Variants in MEF2C observed in about 807,000 individuals in gnomAD.
The protein encoded by MEF2C is myocyte enhancer factor 2C.
MEF2C carries 6 observed loss-of-function variants against 50.5 expected under a neutral mutation model. The ratio of observed to expected loss-of-function variants is 0.12; its 90% CI spans 0.07 to 0.23. The LOEUF is 0.23. Among genes scored for constraint, MEF2C ranks in the 10% least tolerant of loss-of-function variants. MEF2C has a pLI of 1.00. For synonymous variants in MEF2C, 183 were observed against 228.0 expected (o/e 0.80, Z 1.78); for missense variants, 276 against 605.0 (o/e 0.46, Z 5.70).
chr5:88,838,096 C>CA (rs1299548254), intron 1 of MEF2C, among the ~76,000 whole-genome samples: 2 of 152,044 alleles, frequency 1.3e-5, no homozygotes, highest in African/African-American at 4.8e-5. Flanking sequence ...GTCTCACACT[C>CA]AGAGAATCGA....
chr5:88,732,676 T>C (rs959402006), intron 6 of MEF2C: 4 of 152,196 alleles, frequency 2.6e-5, no homozygotes, highest in African/African-American at 7.2e-5. Flanking sequence ...AAAGTGGGTA[T>C]CCCAAGGTCT....
At chr5:88,741,383 A>C in intron 6 of MEF2C, 5 of 985,436 alleles carry the variant, frequency 5.1e-6, no homozygotes, top group Non-Finnish European at 6.0e-6. Flanking sequence ...GAGGAGTTTA[A>C]CAGACTTTTC....
chr5:88,764,224 TAAA>T (rs986443382), intron 3 of MEF2C, among the ~76,000 whole-genome samples: 6 of 152,200 alleles, frequency 3.9e-5, no homozygotes, highest in Admixed American at 2.6e-4. Context: ...GTTTGGTTTA[TAAA>T]AATTCAAACA....
rs561053767 is a variant in MEF2C, at chr5:88,768,827, T to A, written c.259-7499A>T. The stretch of plus-strand genomic sequence containing the variant: ...TATTCCCTCTTAATAACTCCCAAAT[T>A]TACTACTTTTTGAAATGTACAGTTT... On this transcript the variant is annotated intron_variant, in intron 3 of 10. Transcript: ENST00000504921. 3 of 321,932 alleles carry A rather than the reference T, an allele frequency of 9.3e-6. No individual in the cohort carries two copies. In the East Asian group the frequency reaches 5.1e-4, roughly 55 times the overall value. 19.9% of individuals were successfully genotyped at this position (321,932 alleles called of 1,614,324 possible).
intron 2 of MEF2C, among the ~76,000 whole-genome samples, chr5:88,809,445 T>A (rs1454516479): frequency 3.9e-5 from 6 of 152,174 alleles, no homozygotes; most frequent in Non-Finnish European, 1.5e-5. Flanking sequence ...TTGTGCTAGG[T>A]ACTGTGGCTT....
At chr5:88,852,944 C>T (rs554488021) in intron 1 of MEF2C, among the ~76,000 whole-genome samples, 1 of 152,034 alleles carries the variant, frequency 6.6e-6, no homozygotes, top group East Asian at 1.9e-4. Flanking sequence ...GTAGTTCTAG[C>T]CAGACACAGA....
At chr5:88,848,628 T>C (rs1037457733) in intron 1 of MEF2C, among the ~76,000 whole-genome samples, 4 of 152,150 alleles carry the variant, frequency 2.6e-5, no homozygotes, top group African/African-American at 9.7e-5. Context: ...AAGCACATTA[T>C]AAAAATGGGC....
chr5:88,892,425 C>T (rs1481762662), intron 1 of MEF2C: 1 of 152,208 alleles, frequency 6.6e-6, no homozygotes, highest in Non-Finnish European at 1.5e-5. Context: ...GGAAAAGTGA[C>T]AAACTGCGGT....
intron 10 of MEF2C, among the ~76,000 whole-genome samples, chr5:88,727,134 A>G (rs1759202995): frequency 6.6e-6 from 1 of 152,148 alleles, no homozygotes; most frequent in African/African-American, 2.4e-5. Context: ...GTGCTTGGTG[A>G]TAATTACCTG....
At chr5:88,795,880 T>C (rs1795822623) in intron 3 of MEF2C, among the ~76,000 whole-genome samples, 2 of 152,232 alleles carry the variant, frequency 1.3e-5, no homozygotes, top group South Asian at 4.1e-4. Context: ...CGCCCTTTTC[T>C]GCATCTATTG....
At chr5:88,835,234 A>G (rs1192647986) in intron 1 of MEF2C, among the ~76,000 whole-genome samples, 1 of 152,248 alleles carries the variant, frequency 6.6e-6, no homozygotes, top group East Asian at 1.9e-4. Flanking sequence ...AAATTTGAGA[A>G]AAAAACAATC....
intron 1 of MEF2C, among the ~76,000 whole-genome samples, chr5:88,856,515 G>A (rs1823402439): frequency 6.6e-6 from 1 of 152,230 alleles, no homozygotes; most frequent in South Asian, 2.1e-4. Flanking sequence ...TCCAGGGCAT[G>A]TCAGAGACCT....
intron 1 of MEF2C, among the ~76,000 whole-genome samples, chr5:88,872,031 G>C (rs951930683): frequency 2.0e-5 from 3 of 151,904 alleles, no homozygotes; most frequent in African/African-American, 4.8e-5. Context: ...CCTATTATAT[G>C]CAAGAGTTCT....
chr5:88,788,358 G>A (rs1267671082), intron 3 of MEF2C, among the ~76,000 whole-genome samples: 1 of 151,542 alleles, frequency 6.6e-6, no homozygotes, highest in East Asian at 1.9e-4. Context: ...GTGCCATCAC[G>A]CCTGGCTAAT....
At chr5:88,814,408 CT>C (rs890560132) in intron 2 of MEF2C, among the ~76,000 whole-genome samples, 2 of 151,850 alleles carry the variant, frequency 1.3e-5, no homozygotes, top group Non-Finnish European at 1.5e-5. Context: ...GCGAGGGACT[CT>C]TTTAAGCAGA....
At chr5:88,808,959 C>T (rs559408712) in intron 2 of MEF2C, among the ~76,000 whole-genome samples, 2 of 152,190 alleles carry the variant, frequency 1.3e-5, no homozygotes, top group Middle Eastern at 3.4e-3. Flanking sequence ...GAGGTTTTTA[C>T]AGTAGTTAGG....
intron 3 of MEF2C, chr5:88,772,984 T>A (rs1257366182): frequency 3.8e-5 from 33 of 857,180 alleles, no homozygotes; most frequent in Non-Finnish European, 4.3e-5. Context: ...AATACCCATA[T>A]TGTTCTGATT....
At chr5:88,848,152 T>C (rs1819982028) in intron 1 of MEF2C, among the ~76,000 whole-genome samples, 1 of 152,120 alleles carries the variant, frequency 6.6e-6, no homozygotes, top group Non-Finnish European at 1.5e-5. Flanking sequence ...TTTAAAAAGA[T>C]GATATAGAAT....
upstream of MEF2C, among the ~76,000 whole-genome samples, chr5:88,885,706 C>T (rs1451175610): frequency 2.6e-5 from 4 of 152,092 alleles, no homozygotes; most frequent in African/African-American, 2.4e-5. Context: ...TCAAGATTCA[C>T]GAAGGTCCTG....
Sources: allele counts gnomAD v4.1 joint callset (sites outside exome capture counted in the v4.1 genomes callset), GRCh38; gene constraint gnomAD v4.1.1; transcripts MANE v1.5; gene names NCBI Gene and HGNC (gene_info 2026-07-23, HGNC 2026-07-21).